The following SERINC1 variants were observed in gnomAD, a reference collection of about 807,000 sequenced individuals.
SERINC1 encodes serine incorporator 1.
In SERINC1, 38 loss-of-function variants were observed where a neutral mutation model predicts 52.9. That is an observed-to-expected ratio of 0.72 (90% CI 0.55 to 0.94). The LOEUF (loss-of-function observed/expected upper bound fraction) is 0.94. SERINC1 is among the 40% of genes least tolerant of loss of function. The probability of loss-of-function intolerance (pLI) is 0.00; values close to 1 mark genes in which losing one functional copy is unlikely to be tolerated. For missense variants in SERINC1, 471 were observed against 533.9 expected (o/e 0.88, Z 1.16); for synonymous variants, 198 against 183.1 (o/e 1.08, Z -0.66).
At chr6:122,452,278 C>A (rs1026826681) in intron 5 of SERINC1, among the ~76,000 whole-genome samples, 1 of 151,968 alleles carries the variant, frequency 6.6e-6, no homozygotes, top group Non-Finnish European at 1.5e-5. Context: ...TATGTATTTG[C>A]AAGGATGGCA....
chr6:122,469,338 T>G (rs140078216), intron 1 of SERINC1, among the ~76,000 whole-genome samples: 351 of 152,138 alleles, frequency 2.3e-3, no homozygotes, highest in African/African-American at 6.7e-3. Context: ...TCTAATTTAA[T>G]GATTTGAATG....
rs1490270497 is a variant in SERINC1 at position 122,447,074 on chromosome 6, CAGCT to C, written c.995+43_995+46del. ...TTAAAAGAAATGATTCATAAATAAA[CAGCT>C]AGACTTCTTGTTTAAAGAAAAAAAT... On this transcript the variant is annotated intron_variant, in intron 8 of 9. Coordinates refer to ENST00000339697, the MANE Select transcript of SERINC1 (RefSeq NM_020755.4). 4.4e-6 allele frequency: 7 copies of C among 1,586,228 alleles called. No homozygotes were observed. The Admixed American group carries it at 8.5e-5, about 19-fold the overall frequency.
Position 122,444,982 on chromosome 6 carries a change from T to C in SERINC1, c.*62A>G, listed in dbSNP as rs1210124899. 6.6e-7 allele frequency: 1 copy of C among 1,524,862 alleles called. No individual in the cohort carries two copies. Among genetic ancestry groups the C allele is most frequent in the African/African-American group, 1.4e-5 (1 of 72,154 alleles). The allele number at this position is 1,524,862 out of a possible 1,614,324, so 94.5% of individuals were successfully genotyped here. On this transcript the variant is annotated 3_prime_UTR_variant, in exon 10 of 10. Transcript: ENST00000339697. The stretch of plus-strand genomic sequence containing the variant: ...AAAAACATACACAACTTTACAAAAG[T>C]TGGGAATACTGTTTTCAAATAAGCA...
rs531820740 is a variant in SERINC1 at position 122,453,722 on chromosome 6, G to A, written c.589+48C>T. ...TTACCTAGTCTACATATCTATTCTC[G>A]ACTTCAAAGTTCAACTATACTGAAG... On this transcript the variant is annotated intron_variant, in intron 5 of 9. Transcript: ENST00000339697. 14 of 1,488,664 alleles carry A rather than the reference G, an allele frequency of 9.4e-6. No homozygotes were observed. The Admixed American group carries it at 1.7e-4, about 18-fold the overall frequency. 92.2% of individuals were successfully genotyped at this position (1,488,664 alleles called of 1,614,324 possible).
rs185641620 is a variant in SERINC1, at chr6:122,462,164, A to G, written c.40-3483T>C. 2.6e-5 allele frequency among the ~76,000 whole-genome samples: 4 copies of G among 152,356 alleles called. No individual in the cohort carries two copies. In the East Asian group the frequency reaches 5.8e-4, roughly 22 times the overall value. On this transcript the variant is annotated intron_variant, in intron 1 of 9. Transcript: ENST00000339697. ...AATAGATACAGAAAAACCATTTGAC[A>G]AAATTCAATACCTATTCATGATATA...
intron 7 of SERINC1, among the ~76,000 whole-genome samples, chr6:122,448,757 T>C (rs376691455): frequency 6.6e-6 from 1 of 151,324 alleles, no homozygotes. Flanking sequence ...GTTTCTTACA[T>C]AGACATACCT....
intron 1 of SERINC1, among the ~76,000 whole-genome samples, chr6:122,461,424 C>A (rs184633747): frequency 6.7e-6 from 1 of 148,614 alleles, no homozygotes; most frequent in South Asian, 2.1e-4. Flanking sequence ...GAATTTTGTA[C>A]GCATATTCTC....
At chr6:122,463,360 G>C (rs1313554839) in intron 1 of SERINC1, among the ~76,000 whole-genome samples, 2 of 151,930 alleles carry the variant, frequency 1.3e-5, no homozygotes, top group Non-Finnish European at 2.9e-5. Context: ...AAATGAATTG[G>C]GCTTCATCAA....
rs1774700776 is a variant in SERINC1 at position 122,443,388 on chromosome 6, C to T, written c.*1656G>A. ...CATTTATTTAGAGGTAAAACACAGC[C>T]ATTCAAAATTGTGGAATACAATGTC... is the stretch of plus-strand genomic sequence containing the variant. On this transcript the variant is annotated 3_prime_UTR_variant, in exon 10 of 10. Transcript: ENST00000339697. 1 of 152,080 alleles carries T rather than the reference C, an allele frequency of 6.6e-6. No homozygotes were observed. The highest frequency in any genetic ancestry group is 1.5e-5 in the Non-Finnish European group (1 of 68,016). The allele number at this position is 152,080 out of a possible 1,614,324, so 9.4% of individuals were successfully genotyped here. A position where few individuals can be genotyped will look rare whatever the true frequency, so the allele number is the denominator to read the frequency against.
At chr6:122,445,543 G>C (rs1487342882) in intron 9 of SERINC1, among the ~76,000 whole-genome samples, 1 of 151,796 alleles carries the variant, frequency 6.6e-6, no homozygotes, top group African/African-American at 2.4e-5. Flanking sequence ...CTCCTCACCT[G>C]ATTTCCACTC....
Position 122,453,804 on chromosome 6 carries a change from T to G in SERINC1, c.555A>C (p.Lys185Asn). The G allele has an allele frequency of 6.2e-7, 1 of 1,608,448 alleles. No individual in the cohort carries two copies. The highest frequency in any genetic ancestry group is 2.2e-5 in the East Asian group (1 of 44,762). The change falls in exon 5 of 10, where the codon AAA (lysine) becomes AAC (asparagine). Residue 185 changes from lysine (K) to asparagine (N), a missense_variant. Coordinates refer to ENST00000339697, the MANE Select transcript of SERINC1 (RefSeq NM_020755.4). ...AHSWNESWVE[K>N]MEEGNSRCWY... ...AACATCTCGAGTTCCCTTCTTCCAT[T>G]TTTTCAACCCACGATTCATTCCATG...
In SERINC1 at chr6:122,458,565, T is replaced by C; in HGVS notation, c.156A>G (p.Val52=). The C allele has an allele frequency of 2.5e-6, 4 of 1,613,422 alleles. No individual in the cohort carries two copies. The highest frequency in any genetic ancestry group is 3.4e-6 in the Non-Finnish European group (4 of 1,179,450). The change falls in exon 2 of 10, where the codon GTA becomes GTG. Residue 52 remains valine (V), a synonymous_variant. Coordinates refer to ENST00000339697, the MANE Select transcript of SERINC1 (RefSeq NM_020755.4). ...TTCCTGGTATCAACATTACACAAGCTACACATACTCCAACAAGCAAGAAAA... is the reference window on the plus strand; with the variant it reads ...TTCCTGGTATCAACATTACACAAGCCACACATACTCCAACAAGCAAGAAAA... ...YALFLLVGVC[V]ACVMLIPGME...
At chr6:122,446,061 ATTTG>A (rs1396542526) in intron 9 of SERINC1, among the ~76,000 whole-genome samples, 17 of 152,114 alleles carry the variant, frequency 1.1e-4, no homozygotes, top group African/African-American at 3.1e-4. Context: ...CCGCCTTACA[ATTTG>A]TTTATTAATA....
chr6:122,446,869 A>T lies in SERINC1; in HGVS notation c.1131T>A (p.Asn377Lys), dbSNP rs776577529. 5.0e-6 allele frequency: 8 copies of T among 1,613,918 alleles called. No homozygotes were observed. Among genetic ancestry groups the T allele is most frequent in the Non-Finnish European group, 6.8e-6 (8 of 1,179,906 alleles). Reference sequence around the variant, plus strand: ...AACTGTAAGTGACACCATCCCTTTCATTATCTACAGCTCGGTGAACATCGT... The same window carrying T: ...AACTGTAAGTGACACCATCCCTTTCTTTATCTACAGCTCGGTGAACATCGT... ...DGDDVHRAVD[N>K]ERDGVTYSYS... The change falls in exon 9 of 10, where the codon AAT becomes AAA. Residue 377 changes from asparagine to lysine, a missense_variant. Transcript: ENST00000339697.
At chr6:122,445,242 A>G in intron 9 of SERINC1, 63 bp from the exon 10 acceptor site, 2 of 1,499,720 alleles carry the variant, frequency 1.3e-6, no homozygotes, top group East Asian at 2.3e-5. Flanking sequence ...CCACCAAGCT[A>G]TGAAGCTTCA....
chr6:122,457,934 T>TAATAGC (rs1775029530), intron 2 of SERINC1, among the ~76,000 whole-genome samples: 1 of 152,104 alleles, frequency 6.6e-6, no homozygotes, highest in Non-Finnish European at 1.5e-5. Flanking sequence ...CTTTCTAGGT[T>TAATAGC]AATAGCAATA....
At chr6:122,462,305 A>G (rs528323942) in intron 1 of SERINC1, among the ~76,000 whole-genome samples, 7 of 152,326 alleles carry the variant, frequency 4.6e-5, no homozygotes, top group Admixed American at 1.3e-4. Context: ...CCTGTAAGAC[A>G]TCAAACAAGG....
chr6:122,448,922 T>G (rs1582630140), intron 7 of SERINC1, among the ~76,000 whole-genome samples: 1 of 152,100 alleles, frequency 6.6e-6, no homozygotes, highest in Non-Finnish European at 1.5e-5. Flanking sequence ...TTGTTTCACA[T>G]TTTGGTAATT....
chr6:122,458,599 A>C lies in SERINC1; in HGVS notation c.122T>G (p.Ile41Ser), dbSNP rs765840350. ...SGNNSTVTRL[I>S]YALFLLVGVC... ...TCCAACAAGCAAGAAAAGTGCATAG[A>C]TCAATCTAGTTACAGTGGAGTTGTT... The change falls in exon 2 of 10, where the codon ATC (isoleucine) becomes AGC (serine). Residue 41 changes from isoleucine (I) to serine (S), a missense_variant. Ile to Ser is a moderately radical substitution (Grantham distance 142, BLOSUM62 -2). Transcript: ENST00000339697. 1.2e-6 allele frequency: 2 copies of C among 1,613,276 alleles called. No individual in the cohort carries two copies. Among genetic ancestry groups the C allele is most frequent in the South Asian group, 2.2e-5 (2 of 91,056 alleles).
Sources: gnomAD v4.1 joint callset for allele counts (sites outside exome capture counted in the v4.1 genomes callset) on GRCh38, gnomAD v4.1.1 for gene constraint, MANE v1.5 for transcripts, NCBI Gene and HGNC (gene_info 2026-07-23, HGNC 2026-07-21) for gene names.